Variants in PTPRN2 observed in about 807,000 individuals in gnomAD.
PTPRN2 encodes the protein receptor-type tyrosine-protein phosphatase N2.
A neutral mutation model predicts 118.8 loss-of-function variants in PTPRN2; 74 were observed. The ratio of observed to expected loss-of-function variants is 0.62; its 90% CI spans 0.52 to 0.76. PTPRN2 has a LOEUF of 0.76. Ranked by LOEUF, PTPRN2 falls within the 30% of genes least tolerant of loss-of-function variation. The pLI, the probability that PTPRN2 is intolerant of heterozygous loss-of-function variation, is 0.00. For missense variants in PTPRN2, 1,481 were observed against 1,394.4 expected, an observed-to-expected ratio of 1.06 and a Z score of -0.99; for synonymous variants, 641 against 608.0, an observed-to-expected ratio of 1.05 and a Z score of -0.80.
rs1224573035 is a variant in PTPRN2, at chr7:158,221,346, G to GA, written c.278-16074dup. ...ATGACATCTCCAAAAGCAACTGCAA[G>GA]AAAAAAAAAAAGACAAGAGGGACCT... On this transcript the variant is annotated intron_variant, in intron 3 of 22. Transcript: ENST00000389418. Among the ~76,000 whole-genome samples, 688 of 138,040 alleles carry GA rather than the reference G, an allele frequency of 5.0e-3. 5 individuals are homozygous for GA. Among genetic ancestry groups the GA allele is most frequent in the African/African-American group, 0.016 (602 of 37,784 alleles). 90.6% of individuals were successfully genotyped at this position (138,040 alleles called of 152,430 possible).
intron 6 of PTPRN2, among the ~76,000 whole-genome samples, chr7:158,165,048 A>T (rs1382174445): frequency 5.2e-5 from 7 of 135,744 alleles, no homozygotes; most frequent in Non-Finnish European, 9.7e-5. Flanking sequence ...TCTAGTACCC[A>T]CAAGAGGCAG....
chr7:157,822,447 A>G (rs1806905314), intron 12 of PTPRN2, among the ~76,000 whole-genome samples: 1 of 151,694 alleles, frequency 6.6e-6, no homozygotes. Flanking sequence ...TATACTATCC[A>G]TCATCCATCT....
At chr7:158,153,387 T>C (rs958262046) in intron 6 of PTPRN2, among the ~76,000 whole-genome samples, 3 of 152,168 alleles carry the variant, frequency 2.0e-5, no homozygotes, top group Non-Finnish European at 2.9e-5. Context: ...AAGCCACCTA[T>C]AGACGGCAAA....
Position 158,007,318 on chromosome 7 carries a change from G to C in PTPRN2, c.1723+73980C>G, listed in dbSNP as rs568866769. ...TGTGGCTGGTGCTGGGGGTGGGCAG[G>C]AAGGGTAAGCAGGGGACGAGGGATC... is the stretch of plus-strand genomic sequence containing the variant. On this transcript the variant is annotated intron_variant, in intron 11 of 22. Transcript: ENST00000389418. Among the ~76,000 whole-genome samples the C allele has an allele frequency of 1.9e-3, 288 of 152,282 alleles. 1 individual carries two copies. The highest frequency in any genetic ancestry group is 1.9e-3 in the South Asian group (9 of 4,822).
intron 2 of PTPRN2, among the ~76,000 whole-genome samples, chr7:158,326,881 TCACACATG>T (rs1563142491): frequency 6.7e-6 from 1 of 148,898 alleles, no homozygotes; most frequent in African/African-American, 2.5e-5. Context: ...GCACACGTTC[TCACACATG>T]CACACATTCT....
chr7:158,444,326 C>A (rs1022723735), intron 2 of PTPRN2, among the ~76,000 whole-genome samples: 4 of 152,402 alleles, frequency 2.6e-5, no homozygotes, highest in African/African-American at 9.6e-5. Flanking sequence ...CCGTGAGCCC[C>A]AGCGCCCAGG....
chr7:158,160,423 T>C (rs1822257977), intron 6 of PTPRN2, among the ~76,000 whole-genome samples: 1 of 152,164 alleles, frequency 6.6e-6, no homozygotes, highest in South Asian at 2.1e-4. Flanking sequence ...TTTGGCGGCC[T>C]TTGGACTCCA....
At chr7:157,796,997 G>A (rs958562838) in intron 12 of PTPRN2, among the ~76,000 whole-genome samples, 10 of 152,140 alleles carry the variant, frequency 6.6e-5, no homozygotes, top group African/African-American at 1.9e-4. Flanking sequence ...CTCGAGTTCC[G>A]ACTCGCCGCT....
intron 11 of PTPRN2, among the ~76,000 whole-genome samples, chr7:158,058,582 G>C (rs1348628493): frequency 1.5e-5 from 1 of 68,416 alleles, no homozygotes; most frequent in Non-Finnish European, 2.7e-5. Context: ...ATCTGCCCAC[G>C]GTGAGACATC....
At chr7:158,493,216 C>T (rs1821587408) in intron 1 of PTPRN2, among the ~76,000 whole-genome samples, 1 of 152,234 alleles carries the variant, frequency 6.6e-6, no homozygotes, top group Non-Finnish European at 1.5e-5. Context: ...CACATCCAGT[C>T]ATGAATGCAT....
intron 12 of PTPRN2, among the ~76,000 whole-genome samples, chr7:157,755,229 T>C (rs1019845708): frequency 1.3e-5 from 2 of 152,190 alleles, no homozygotes; most frequent in Non-Finnish European, 2.9e-5. Flanking sequence ...AAGATGTAAA[T>C]ATGTAAATAT....
At chr7:158,252,570 C>T (rs1796755983) in intron 3 of PTPRN2, among the ~76,000 whole-genome samples, 1 of 152,158 alleles carries the variant, frequency 6.6e-6, no homozygotes. Context: ...ACACGTTTCT[C>T]CAAAGGATGG....
intron 14 of PTPRN2, among the ~76,000 whole-genome samples, chr7:157,636,472 G>A (rs988869787): frequency 6.6e-6 from 1 of 152,122 alleles, no homozygotes; most frequent in Non-Finnish European, 1.5e-5. Flanking sequence ...CAGCTACTTC[G>A]ATTAAAACAA....
intron 10 of PTPRN2, among the ~76,000 whole-genome samples, chr7:158,091,276 T>C (rs1478071806): frequency 6.6e-6 from 1 of 152,238 alleles, no homozygotes; most frequent in East Asian, 1.9e-4. Flanking sequence ...AGGTACTAGA[T>C]TCCCTTGACT....
At chr7:158,092,439 C>T (rs917628304) in intron 10 of PTPRN2, among the ~76,000 whole-genome samples, 1 of 150,932 alleles carries the variant, frequency 6.6e-6, no homozygotes, top group Admixed American at 6.6e-5. Context: ...GGGAGGTAGA[C>T]GGATGGATGG....
intron 2 of PTPRN2, among the ~76,000 whole-genome samples, chr7:158,352,569 C>G (rs572022894): frequency 1.3e-5 from 2 of 152,350 alleles, no homozygotes; most frequent in African/African-American, 4.8e-5. Flanking sequence ...TTATTGCCCC[C>G]TGAAGGTGAG....
In PTPRN2 at chr7:158,304,178, A is replaced by G. The variant is rs377347475; in HGVS notation, c.277+12641T>C. Among the ~76,000 whole-genome samples the G allele has an allele frequency of 3.2e-4, 49 of 151,490 alleles. 1 individual carries two copies. In the South Asian group the frequency reaches 9.8e-3, roughly 30 times the overall value. On this transcript the variant is annotated intron_variant, in intron 3 of 22. Coordinates refer to ENST00000389418, the MANE Select transcript of PTPRN2 (RefSeq NM_002847.5). ...AAGATGTACACAGGCTTGGATTTCTACATGCTAGGGAGGCATAAGACATCC... is the reference window on the plus strand; with the variant it reads ...AAGATGTACACAGGCTTGGATTTCTGCATGCTAGGGAGGCATAAGACATCC...
chr7:157,598,506 G>A lies in PTPRN2; in HGVS notation c.2419-3191C>T, dbSNP rs967556148. Among the ~76,000 whole-genome samples the A allele has an allele frequency of 2.7e-5, 4 of 147,284 alleles. No individual in the cohort carries two copies. Among genetic ancestry groups the A allele is most frequent in the East Asian group, 3.9e-4 (2 of 5,108 alleles). On this transcript the variant is annotated intron_variant, in intron 16 of 22. Transcript: ENST00000389418. This position sits in a 1 kb window ranked among gnomAD's most constrained non-coding sequence, Gnocchi z 5.2. ...GAGGAGCTTGGACGTCGGCGTCTCC[G>A]GGCCTCAGTCTCCATATCTGTATGG...
At position 157,775,564 on chromosome 7, in the gene PTPRN2, C is replaced by A. The variant is rs887036167; in HGVS notation, c.1789-92627G>T. On this transcript the variant is annotated intron_variant, in intron 12 of 22. Transcript: ENST00000389418. ...ACGCCCGGGGCACATGGGGACACAG[C>A]AGCGCTGGGAAGGCTTCGTCCTCGG... 2.6e-5 allele frequency among the ~76,000 whole-genome samples: 4 copies of A among 152,232 alleles called. No homozygotes were observed. The East Asian group carries it at 7.7e-4, about 29-fold the overall frequency.
Sources: gnomAD v4.1 joint callset for allele counts (sites outside exome capture counted in the v4.1 genomes callset) on GRCh38, gnomAD v4.1.1 for gene constraint, Gnocchi (gnomAD v3.1) non-coding constraint, MANE v1.5 for transcripts, NCBI Gene and HGNC (gene_info 2026-07-23, HGNC 2026-07-21) for gene names.